The following MRTFB variants were observed in gnomAD, a reference collection of about 807,000 sequenced individuals.
The protein encoded by MRTFB is myocardin related transcription factor B, also known as myocardin-related transcription factor B.
A neutral mutation model predicts 104.2 loss-of-function variants in MRTFB; 29 were observed. That is an observed-to-expected ratio of 0.28 (90% CI 0.21 to 0.38). The LOEUF (loss-of-function observed/expected upper bound fraction) is 0.38, where lower values mean the gene tolerates loss of function less well. Ranked by LOEUF, MRTFB falls within the 10% of genes least tolerant of loss-of-function variation. The pLI is 1.00. For missense variants in MRTFB, 1,270 were observed against 1,341.6 expected (o/e 0.95, Z 0.83); for synonymous variants, 535 against 519.5 (o/e 1.03, Z -0.41).
At chr16:14,018,415 T>C in the MRTFB span, among the ~76,000 whole-genome samples, 1 of 152,364 alleles carries the variant, frequency 6.6e-6, no homozygotes, top group East Asian at 1.9e-4. Flanking sequence ...CACCAACCTC[T>C]TTATGATTTT....
Position 14,245,561 on chromosome 16 carries a change from T to A in MRTFB, c.1113T>A (p.Asn371Lys). The change falls in exon 11 of 17, where the codon AAT becomes AAA. Residue 371 changes from asparagine (N) to lysine (K), a missense_variant. Around this residue, in one of 3 missense-constraint regions of MRTFB, gnomAD observed 1,144 missense variants for 1,131.5 expected, o/e 1.01. Coordinates refer to ENST00000571589, the MANE Select transcript of MRTFB (RefSeq NM_001308142.2). ...ATGACAAAAATAGTAACAGTGGGAA[T>A]TCAGCTTTGAACAATGCCACACCTA... ...PLNDKNSNSG[N>K]SALNNATPNT... The A allele has an allele frequency of 6.2e-7, 1 of 1,613,418 alleles. No individual in the cohort carries two copies. Among genetic ancestry groups the A allele is most frequent in the South Asian group, 1.1e-5 (1 of 90,794 alleles).
rs765008471 is a variant in MRTFB, at chr16:14,261,492, G to A, written c.*48G>A. 1 of 1,506,108 alleles carries A rather than the reference G, an allele frequency of 6.6e-7. No homozygotes were observed. The highest frequency in any genetic ancestry group is 1.4e-5 in the African/African-American group (1 of 71,618). The allele number at this position is 1,506,108 out of a possible 1,614,324, so 93.3% of individuals were successfully genotyped here. A position where few individuals can be genotyped will look rare whatever the true frequency, so the allele number is the denominator to read the frequency against. On this transcript the variant is annotated 3_prime_UTR_variant, in exon 17 of 17. Coordinates refer to ENST00000571589, the MANE Select transcript of MRTFB (RefSeq NM_001308142.2). Reference sequence around the variant, plus strand: ...AGTTGATGAGGTTTAAGAACATGAAGATTCTAAAAGGTCAGTTTTTAGAGA... The same window carrying A: ...AGTTGATGAGGTTTAAGAACATGAAAATTCTAAAAGGTCAGTTTTTAGAGA...
At chr16:14,098,386 A>C (rs79480932) in intron 2 of MRTFB, among the ~76,000 whole-genome samples, 1 of 152,160 alleles carries the variant, frequency 6.6e-6, no homozygotes, top group Non-Finnish European at 1.5e-5. Flanking sequence ...TAAAGTATCA[A>C]ATCTTTTATA....
the MRTFB span, among the ~76,000 whole-genome samples, chr16:14,002,107 G>T: frequency 6.6e-6 from 1 of 152,204 alleles, no homozygotes; most frequent in Non-Finnish European, 1.5e-5. Context: ...ATTAGGCCAG[G>T]CATGGTGGCT....
At chr16:14,030,991 A>T in the MRTFB span, among the ~76,000 whole-genome samples, 1 of 152,214 alleles carries the variant, frequency 6.6e-6, no homozygotes, top group East Asian at 1.9e-4. Context: ...CACTACAGGT[A>T]TATAATAAAA....
intron 8 of MRTFB, among the ~76,000 whole-genome samples, chr16:14,233,385 C>T (rs2042350184): frequency 6.6e-6 from 1 of 152,054 alleles, no homozygotes; most frequent in Non-Finnish European, 1.5e-5. Flanking sequence ...CATGGGCATT[C>T]GGGAAGGATG....
chr16:14,033,047 GAGA>G, the MRTFB span, among the ~76,000 whole-genome samples: 5 of 151,914 alleles, frequency 3.3e-5, no homozygotes, highest in Non-Finnish European at 7.4e-5. Context: ...GCAAAAATCA[GAGA>G]AGGTTATTAG....
At chr16:14,066,342 C>T (rs1323972340), upstream of MRTFB, among the ~76,000 whole-genome samples, 7 of 151,716 alleles carry the variant, frequency 4.6e-5, no homozygotes, top group South Asian at 4.2e-4. Context: ...CACGCGATCT[C>T]GGCTCACTGC....
At chr16:13,995,660 AAG>A in the MRTFB span, among the ~76,000 whole-genome samples, 1 of 152,222 alleles carries the variant, frequency 6.6e-6, no homozygotes, top group African/African-American at 2.4e-5. Context: ...GCTGTGCATG[AAG>A]CATGGCTGGG....
chr16:14,090,881 T>C (rs886626733), intron 2 of MRTFB, among the ~76,000 whole-genome samples: 1 of 20,352 alleles, frequency 4.9e-5, no homozygotes, highest in East Asian at 1.3e-3. Context: ...TTCAGCATGG[T>C]GTGTGTGTGT....
chr16:14,125,317 C>T (rs772232885), intron 2 of MRTFB, among the ~76,000 whole-genome samples: 36 of 152,326 alleles, frequency 2.4e-4, no homozygotes, highest in Admixed American at 3.9e-4. Flanking sequence ...GCTGCCAGCC[C>T]CTCCAGCAAG....
chr16:14,154,546 A>G (rs751946643), intron 3 of MRTFB, among the ~76,000 whole-genome samples: 16 of 152,196 alleles, frequency 1.1e-4, no homozygotes, highest in African/African-American at 3.4e-4. Flanking sequence ...ATAGTTATCT[A>G]TTGCTTTGTA....
At chr16:14,086,616 A>T (rs373041782) in intron 2 of MRTFB, among the ~76,000 whole-genome samples, 2 of 152,130 alleles carry the variant, frequency 1.3e-5, no homozygotes, top group African/African-American at 4.8e-5. Flanking sequence ...TGTTTTCTAA[A>T]ATAACCAAAT....
At position 14,251,881 on chromosome 16, in the gene MRTFB, C is replaced by T. The variant is rs1318446688; in HGVS notation, c.2423C>T (p.Ser808Leu). Residue 808 changes from serine (S) to leucine (L), a missense_variant, in exon 14 of 17, where the codon TCA becomes TTA. By Grantham distance (145) the Ser-to-Leu change is moderately radical. Around this residue, in one of 3 missense-constraint regions of MRTFB, gnomAD observed 1,144 missense variants for 1,131.5 expected, o/e 1.01. Coordinates refer to ENST00000571589, the MANE Select transcript of MRTFB (RefSeq NM_001308142.2). The part of the protein sequence containing the change: ...QVRKVFTNSA[S>L]SNTVLPYQRH... ...TTACAGGTTTTCACAAACTCAGCAT[C>T]ATCAAATACAGTTCTTCCATATCAG... 6.2e-7 allele frequency: 1 copy of T among 1,614,004 alleles called. No individual in the cohort carries two copies. The highest frequency in any genetic ancestry group is 8.5e-7 in the Non-Finnish European group (1 of 1,179,916).
intron 3 of MRTFB, among the ~76,000 whole-genome samples, chr16:14,159,929 CAAAAAAAA>C (rs552159164): frequency 3.6e-5 from 2 of 55,634 alleles, no homozygotes; most frequent in East Asian, 9.8e-4. Context: ...GACTCCGTCT[CAAAAAAAA>C]AAAAAAAAAA....
chr16:14,161,051 C>T (rs1468635406), intron 3 of MRTFB, among the ~76,000 whole-genome samples: 5 of 88,684 alleles, frequency 5.6e-5, no homozygotes, highest in Non-Finnish European at 8.9e-5. Flanking sequence ...GTCACTGCTT[C>T]TATTCTGTTC....
At chr16:14,214,785 G>A (rs1196585085) in intron 6 of MRTFB, 2 of 152,194 alleles carry the variant, frequency 1.3e-5, no homozygotes, top group African/African-American at 2.4e-5. Context: ...AGAGAACTTC[G>A]AAGCATCAAG....
intron 3 of MRTFB, chr16:14,200,326 C>T: frequency 6.2e-7 from 1 of 1,607,086 alleles, no homozygotes; most frequent in South Asian, 1.1e-5. Context: ...GCTGACGTGG[C>T]TCCCGGAAGT....
chr16:14,225,600 G>GAACTT (rs2041966868), intron 8 of MRTFB, among the ~76,000 whole-genome samples: 1 of 152,144 alleles, frequency 6.6e-6, no homozygotes, highest in African/African-American at 2.4e-5. Flanking sequence ...TATTTTATAG[G>GAACTT]AACTTAAAAA....
Sources: gnomAD v4.1 joint callset for allele counts (sites outside exome capture counted in the v4.1 genomes callset) on GRCh38, gnomAD v4.1.1 for gene constraint, gnomAD v4.1.1 regional missense constraint, MANE v1.5 for transcripts, NCBI Gene and HGNC (gene_info 2026-07-23, HGNC 2026-07-21) for gene names.